The following SENP6 variants were observed in gnomAD, a reference collection of about 807,000 sequenced individuals.
The protein encoded by SENP6 is sentrin-specific protease 6.
A neutral mutation model predicts 134.5 loss-of-function variants in SENP6; 41 were observed. The observed-to-expected ratio is 0.30, with a 90% confidence interval of 0.24 to 0.40. The LOEUF (loss-of-function observed/expected upper bound fraction) is 0.40. Ranked by LOEUF, SENP6 falls within the 10% of genes least tolerant of loss-of-function variation. The pLI is 1.00. For missense variants in SENP6, 1,248 were observed against 1,312.5 expected (o/e 0.95, Z 0.76); for synonymous variants, 395 against 429.8 (o/e 0.92, Z 1.00).
intron 3 of SENP6, among the ~76,000 whole-genome samples, chr6:75,626,742 A>T (rs974583185): frequency 1.3e-5 from 2 of 152,204 alleles, no homozygotes; most frequent in African/African-American, 4.8e-5. Flanking sequence ...TGTTAACATT[A>T]GCCATTCCCA....
chr6:75,671,383 CT>C (rs1772661878), intron 11 of SENP6, among the ~76,000 whole-genome samples: 1 of 152,162 alleles, frequency 6.6e-6, no homozygotes, highest in Non-Finnish European at 1.5e-5. Flanking sequence ...GTTTCCATCT[CT>C]TCTTTCAAAC....
At chr6:75,693,216 A>G (rs1230067049) in intron 16 of SENP6, among the ~76,000 whole-genome samples, 1 of 151,938 alleles carries the variant, frequency 6.6e-6, no homozygotes, top group Non-Finnish European at 1.5e-5. Context: ...CCTGGCCAAC[A>G]TGGTGAAACC....
At position 75,716,848 on chromosome 6, in the gene SENP6, A is replaced by C. The variant is rs1357506057; in HGVS notation, c.*1254A>C. 1.3e-5 allele frequency: 2 copies of C among 151,988 alleles called. No individual in the cohort carries two copies. Among genetic ancestry groups the C allele is most frequent in the African/African-American group, 4.8e-5 (2 of 41,448 alleles). 9.4% of individuals were successfully genotyped at this position (151,988 alleles called of 1,614,324 possible). On this transcript the variant is annotated 3_prime_UTR_variant, in exon 24 of 24. Transcript: ENST00000447266. Reference sequence around the variant, plus strand: ...AGAATAAAAAGAAAGCCTAATCATCAGCAATTATTTTATTTTTAATTTGGC... The same window carrying C: ...AGAATAAAAAGAAAGCCTAATCATCCGCAATTATTTTATTTTTAATTTGGC...
At chr6:75,641,803 C>T (rs1228579495) in intron 6 of SENP6, among the ~76,000 whole-genome samples, 2 of 151,982 alleles carry the variant, frequency 1.3e-5, no homozygotes, top group East Asian at 1.9e-4. Context: ...CATAGGAAGG[C>T]CCTGTCTCTA....
intron 19 of SENP6, among the ~76,000 whole-genome samples, chr6:75,708,502 G>A (rs913646266): frequency 3.9e-5 from 6 of 152,168 alleles, no homozygotes; most frequent in Non-Finnish European, 2.9e-5. Context: ...AAAGCAGGAG[G>A]ATGGCTTGAG....
intron 8 of SENP6, among the ~76,000 whole-genome samples, chr6:75,662,012 A>T (rs1771815705): frequency 6.6e-6 from 1 of 152,198 alleles, no homozygotes; most frequent in African/African-American, 2.4e-5. Flanking sequence ...AGATTGCGCC[A>T]TTGCACTCCA....
At position 75,619,445 on chromosome 6, in the gene SENP6, A is replaced by ATGTGTGTGTGTG. The variant is rs61131437; in HGVS notation, c.53-2069_53-2058dup. Among the ~76,000 whole-genome samples the ATGTGTGTGTGTG allele has an allele frequency of 2.8e-3, 415 of 149,348 alleles. 3 individuals are homozygous for ATGTGTGTGTGTG. Among genetic ancestry groups the ATGTGTGTGTGTG allele is most frequent in the African/African-American group, 9.8e-3 (400 of 40,676 alleles). ...GGCTGAATAACATTCCGTTGTGTCT[A>ATGTGTGTGTGTG]TGTGTGTGTGTGTGTGTGTGTGTGT... is the stretch of plus-strand genomic sequence containing the variant. On this transcript the variant is annotated intron_variant, in intron 1 of 23. Transcript: ENST00000447266.
Position 75,636,564 on chromosome 6 carries a change from G to T in SENP6, c.458+1753G>T, listed in dbSNP as rs557899005. ...TTGATTGCAGTAGAGATTGATTAGG[G>T]TACAGAAAGACAAGTAAACAAATGA... On this transcript the variant is annotated intron_variant, in intron 5 of 23. Transcript: ENST00000447266. Among the ~76,000 whole-genome samples, 7 of 152,246 alleles carry T rather than the reference G, an allele frequency of 4.6e-5. No homozygotes were observed. The South Asian group carries it at 6.2e-4, about 14-fold the overall frequency.
intron 9 of SENP6, among the ~76,000 whole-genome samples, chr6:75,664,472 G>A (rs1772039428): frequency 6.6e-6 from 1 of 151,782 alleles, no homozygotes; most frequent in Admixed American, 6.6e-5. Context: ...TTCTTGCAAC[G>A]ATTCTGTGAA....
intron 19 of SENP6, among the ~76,000 whole-genome samples, chr6:75,708,833 G>A (rs918286592): frequency 6.6e-6 from 1 of 152,154 alleles, no homozygotes; most frequent in Non-Finnish European, 1.5e-5. Context: ...GGCAGAGGTT[G>A]CAGTGAGCCG....
chr6:75,644,291 A>G (rs1770254193), intron 6 of SENP6: 1 of 152,206 alleles, frequency 6.6e-6, no homozygotes, highest in Admixed American at 6.5e-5. Flanking sequence ...GCCCAAACTG[A>G]TAACAATTGG....
Position 75,647,722 on chromosome 6 carries a change from C to T in SENP6, c.480-9C>T, listed in dbSNP as rs756356154. ...TGTTAGAATAAAACTACATAAATTT[C>T]TTTTTTAGGAAAGAATACCCACCTC... On this transcript the variant is annotated splice_polypyrimidine_tract_variant and intron_variant, in intron 6 of 23. Coordinates refer to ENST00000447266, the MANE Select transcript of SENP6 (RefSeq NM_015571.4). The T allele has an allele frequency of 1.9e-6, 3 of 1,585,956 alleles. No homozygotes were observed. Among genetic ancestry groups the T allele is most frequent in the Admixed American group, 3.4e-5 (2 of 59,566 alleles).
intron 16 of SENP6, 50 bp from the exon 17 acceptor site, chr6:75,695,754 T>C (rs770962764): frequency 7.0e-7 from 1 of 1,438,342 alleles, no homozygotes; most frequent in South Asian, 1.3e-5. Context: ...TAGAAATAAA[T>C]AAAGTGAACT....
intron 6 of SENP6, among the ~76,000 whole-genome samples, chr6:75,645,512 G>T (rs1488614628): frequency 6.6e-6 from 1 of 152,176 alleles, no homozygotes; most frequent in African/African-American, 2.4e-5. Flanking sequence ...AGCTACTCAG[G>T]AGGCTGAGGC....
At chr6:75,635,002 T>C (rs1306512600) in intron 5 of SENP6, 191 bp downstream of exon 5, 1 of 656,704 alleles carries the variant, frequency 1.5e-6, no homozygotes, top group Non-Finnish European at 2.8e-6. Context: ...TCAGATTCTG[T>C]AAATAGAGAA....
chr6:75,676,100 A>T, intron 13 of SENP6, 46 bp downstream of exon 13: 1 of 1,312,660 alleles, frequency 7.6e-7, no homozygotes, highest in Non-Finnish European at 1.0e-6. Flanking sequence ...TAGATACTGT[A>T]TTTACAATAT....
chr6:75,670,843 G>A (rs541128050), intron 11 of SENP6, 123 bp downstream of exon 11: 7 of 391,220 alleles, frequency 1.8e-5, no homozygotes, highest in African/African-American at 4.2e-5. Flanking sequence ...GTTAGTTCAA[G>A]ATTTCACATT....
intron 23 of SENP6, among the ~76,000 whole-genome samples, chr6:75,714,301 C>CTCTTGCT (rs1475057266): frequency 6.6e-6 from 1 of 152,226 alleles, no homozygotes; most frequent in Non-Finnish European, 1.5e-5. Context: ...CTTCCTCACT[C>CTCTTGCT]TCTTGCTTTG....
intron 17 of SENP6, 30 bp downstream of exon 17, chr6:75,695,953 A>T: frequency 6.5e-7 from 1 of 1,548,636 alleles, no homozygotes; most frequent in Non-Finnish European, 8.7e-7. Context: ...TATTTAACAG[A>T]TGTAAGTCAC....
Sources: allele counts gnomAD v4.1 joint callset (sites outside exome capture counted in the v4.1 genomes callset), GRCh38; gene constraint gnomAD v4.1.1; transcripts MANE v1.5; gene names NCBI Gene and HGNC (gene_info 2026-07-23, HGNC 2026-07-21).